Variants in SGSM2 observed in about 807,000 individuals in gnomAD.
SGSM2 encodes the protein RUN and TBC1 domain containing 1.
A neutral mutation model predicts 126.6 loss-of-function variants in SGSM2; 89 were observed. The ratio of observed to expected loss-of-function variants is 0.70; its 90% CI spans 0.59 to 0.84. SGSM2 has a LOEUF of 0.84. Ranked by LOEUF, SGSM2 falls within the 40% of genes least tolerant of loss-of-function variation. The pLI is 0.00. For missense variants in SGSM2, 1,404 were observed against 1,416.6 expected, an observed-to-expected ratio of 0.99 and a Z score of 0.14; for synonymous variants, 614 against 574.3, an observed-to-expected ratio of 1.07 and a Z score of -0.99.
chr17:2,343,653 G>C lies in SGSM2; in HGVS notation c.133+33G>C, dbSNP rs371524984. The C allele has an allele frequency of 1.4e-5, 22 of 1,600,868 alleles. No individual in the cohort carries two copies. The South Asian group carries it at 2.3e-4, about 17-fold the overall frequency. ...AGTGACTGAAGGATGATGGGAGGTC[G>C]GTCTAGAGCCGAGGACACTGGCCTG... On this transcript the variant is annotated intron_variant, in intron 2 of 23. Transcript: ENST00000268989.
rs369240045 is a variant in SGSM2 at position 2,362,148 on chromosome 17, G to A, written c.336G>A (p.Gln112=). 7 of 1,613,706 alleles carry A rather than the reference G, an allele frequency of 4.3e-6. No individual in the cohort carries two copies. Among genetic ancestry groups the A allele is most frequent in the Non-Finnish European group, 4.2e-6 (5 of 1,179,992 alleles). The change falls in exon 4 of 24, where the codon CAG becomes CAA. Residue 112 remains glutamine, a synonymous_variant. Coordinates refer to ENST00000268989, the MANE Select transcript of SGSM2 (RefSeq NM_014853.3). The surrounding 1 kb of genome is among the most constrained non-coding windows in gnomAD (Gnocchi z 4.9). ...TCAGCCAGGAGGCCCTGCGGAGACAGGGCTCAGCCAGCGGGAAGGCCCCGG... is the reference window on the plus strand; with the variant it reads ...TCAGCCAGGAGGCCCTGCGGAGACAAGGCTCAGCCAGCGGGAAGGCCCCGG... ...SGVSQEALRR[Q]GSASGKAPAL... is the part of the protein sequence containing the mutation.
intron 2 of SGSM2, among the ~76,000 whole-genome samples, chr17:2,346,322 C>A (rs2064597079): frequency 6.6e-6 from 1 of 152,128 alleles, no homozygotes; most frequent in Non-Finnish European, 1.5e-5. Context: ...TGGTTCTTGG[C>A]AGAGGAGGGT....
At chr17:2,365,843 T>A (rs1276990232) in intron 11 of SGSM2, among the ~76,000 whole-genome samples, 1 of 151,676 alleles carries the variant, frequency 6.6e-6, no homozygotes, top group Non-Finnish European at 1.5e-5. Context: ...GCCCCTGGGT[T>A]CAAGCGATCC....
At chr17:2,341,368 A>G (rs1005164340) in intron 1 of SGSM2, among the ~76,000 whole-genome samples, 8 of 152,242 alleles carry the variant, frequency 5.3e-5, no homozygotes, top group Admixed American at 3.9e-4. Context: ...GGCGTGAGCC[A>G]CCATGCCCAG....
rs1355341580 is a variant in SGSM2 at position 2,375,721 on chromosome 17, A to C, written c.2330A>C (p.Glu777Ala). Residue 777 changes from glutamate to alanine, a missense_variant, in exon 18 of 24, where the codon GAA becomes GCA. Coordinates refer to ENST00000268989, the MANE Select transcript of SGSM2 (RefSeq NM_014853.3). ...GATGAGGGGCAGAGCGTGGGCTTCG[A>C]AGAGGAGGACGGCGGTGGGGAGGAA... is the stretch of plus-strand genomic sequence containing the variant. Reference protein sequence around the residue: ...SLDEGQSVGFEEEDGGGEEGS... With the variant: ...SLDEGQSVGFAEEDGGGEEGS... 6.2e-7 allele frequency: 1 copy of C among 1,610,834 alleles called. No individual in the cohort carries two copies. Among genetic ancestry groups the C allele is most frequent in the Non-Finnish European group, 8.5e-7 (1 of 1,177,662 alleles).
chr17:2,378,967 C>T lies in SGSM2; in HGVS notation c.2900-69C>T, dbSNP rs2066302692. 5 of 1,529,872 alleles carry T rather than the reference C, an allele frequency of 3.3e-6. No homozygotes were observed. The South Asian group carries it at 6.1e-5, about 19-fold the overall frequency. The allele number at this position is 1,529,872 out of a possible 1,614,324, so 94.8% of individuals were successfully genotyped here. ...GCCCCAGCCTCAATCCCAGCCTCAG[C>T]CTCAATCCCAGCCTCAGCCCCAGAT... is the stretch of plus-strand genomic sequence containing the variant. On this transcript the variant is annotated intron_variant, in intron 22 of 23. Transcript: ENST00000268989.
At position 2,337,584 on chromosome 17, in the gene SGSM2, C is replaced by T. The variant is rs113461397; in HGVS notation, c.-105C>T. ...CGGCGGCGGCGGGCCGGGAGCGCGG[C>T]GGGCGGGGGCTCCGCCTTGCGCGTG... On this transcript the variant is annotated 5_prime_UTR_variant, in exon 1 of 24. Transcript: ENST00000268989. This position sits in a 1 kb window ranked among gnomAD's most constrained non-coding sequence, Gnocchi z 5.1. 0.046 allele frequency: 32,751 copies of T among 707,338 alleles called. 874 individuals carry two copies. The highest frequency in any genetic ancestry group is 0.052 in the Non-Finnish European group (28,878 of 551,650). 43.8% of individuals were successfully genotyped at this position (707,338 alleles called of 1,614,324 possible).
intron 2 of SGSM2, among the ~76,000 whole-genome samples, chr17:2,354,794 A>C (rs890654677): frequency 6.6e-6 from 1 of 152,082 alleles, no homozygotes; most frequent in African/African-American, 2.4e-5. Context: ...CGTCTCCTCT[A>C]CTCTAAATTG....
intron 1 of SGSM2, among the ~76,000 whole-genome samples, chr17:2,341,846 G>A (rs1030666575): frequency 1.3e-5 from 2 of 152,138 alleles, no homozygotes; most frequent in African/African-American, 4.8e-5. Flanking sequence ...TCCTTGCCTA[G>A]AAACATAAAT....
At chr17:2,354,953 CAT>C (rs2065033976) in intron 2 of SGSM2, among the ~76,000 whole-genome samples, 1 of 119,666 alleles carries the variant, frequency 8.4e-6, no homozygotes, top group African/African-American at 4.2e-5. Flanking sequence ...GAAGGGACCC[CAT>C]ATCTTAGAAT....
intron 21 of SGSM2, 95 bp from the exon 22 acceptor site, chr17:2,377,762 C>T (rs1047475783): frequency 1.2e-4 from 90 of 772,818 alleles, no homozygotes; most frequent in African/African-American, 3.6e-4. Flanking sequence ...GGTTGGGGAT[C>T]GCCTGCATCC....
At position 2,380,494 on chromosome 17, in the gene SGSM2, T is replaced by A. The variant is rs2066367345; in HGVS notation, c.*974T>A. 10 of 634,900 alleles carry A rather than the reference T, an allele frequency of 1.6e-5. No homozygotes were observed. In the East Asian group the frequency reaches 2.5e-4, roughly 16 times the overall value. The allele number at this position is 634,900 out of a possible 1,614,324, so 39.3% of individuals were successfully genotyped here. On this transcript the variant is annotated 3_prime_UTR_variant, in exon 24 of 24. Transcript: ENST00000268989. ...GGCAGGGGATGCATGGGTGTCCCCA[T>A]CTGTCCCTGGTGAGAAGCAAGGCTA...
chr17:2,347,644 CTT>C (rs751104634), intron 2 of SGSM2, among the ~76,000 whole-genome samples: 2 of 140,488 alleles, frequency 1.4e-5, no homozygotes, highest in Non-Finnish European at 1.6e-5. Flanking sequence ...TTTGTTTTTT[CTT>C]TTTTTTTTTT....
chr17:2,352,601 G>A (rs1463498903), intron 2 of SGSM2, among the ~76,000 whole-genome samples: 4 of 152,004 alleles, frequency 2.6e-5, no homozygotes, highest in African/African-American at 9.7e-5. Flanking sequence ...GCCACTGAGT[G>A]GTTCCCACTG....
intron 17 of SGSM2, chr17:2,374,214 G>C (rs2066018979): frequency 6.6e-6 from 1 of 152,210 alleles, no homozygotes. Context: ...TGCCTCTTTA[G>C]ATAATGTGTA....
Position 2,337,749 on chromosome 17 carries a change from A to G in SGSM2, c.57+4A>G. On this transcript the variant is annotated splice_donor_region_variant and intron_variant, in intron 1 of 23. Transcript: ENST00000268989. This position sits in a 1 kb window ranked among gnomAD's most constrained non-coding sequence, Gnocchi z 5.1. ...GCTGTGGAACGTGAAGAAGGAGGTA[A>G]AGTCGAGTCAAGAACCCCGGGGGGC... 6.5e-7 allele frequency: 1 copy of G among 1,530,066 alleles called. No homozygotes were observed. Among genetic ancestry groups the G allele is most frequent in the East Asian group, 2.6e-5 (1 of 38,142 alleles). 94.8% of individuals were successfully genotyped at this position (1,530,066 alleles called of 1,614,324 possible). A position where few individuals can be genotyped will look rare whatever the true frequency, so the allele number is the denominator to read the frequency against.
intron 13 of SGSM2, chr17:2,371,973 C>T (rs979469038): frequency 1.7e-6 from 1 of 572,568 alleles, no homozygotes; most frequent in African/African-American, 1.9e-5. Context: ...GACCAAGATC[C>T]CTGGGTGGTT....
chr17:2,372,828 C>T lies in SGSM2; in HGVS notation c.1789-125C>T, dbSNP rs770778351. The T allele has an allele frequency of 7.8e-4, 1,047 of 1,343,558 alleles. No individual in the cohort carries two copies. The highest frequency in any genetic ancestry group is 8.1e-4 in the Non-Finnish European group (806 of 999,740). 83.2% of individuals were successfully genotyped at this position (1,343,558 alleles called of 1,614,324 possible). A position where few individuals can be genotyped will look rare whatever the true frequency, so the allele number is the denominator to read the frequency against. On this transcript the variant is annotated intron_variant, in intron 15 of 23. Coordinates refer to ENST00000268989, the MANE Select transcript of SGSM2 (RefSeq NM_014853.3). This position sits in a 1 kb window ranked among gnomAD's most constrained non-coding sequence, Gnocchi z 6.0. ...GAGGACGTGGCCACCCCAAAGCAGG[C>T]CTTGCCTGGGCTTCAGCAGTCACTA...
chr17:2,375,449 G>A (rs1352044761), intron 17 of SGSM2, 43 bp from the exon 18 acceptor site: 6 of 1,550,494 alleles, frequency 3.9e-6, no homozygotes, highest in African/African-American at 2.7e-5. Flanking sequence ...GCTGCGGGAA[G>A]GTGCTGGAGT....
Sources: allele counts gnomAD v4.1 joint callset (sites outside exome capture counted in the v4.1 genomes callset), GRCh38; gene constraint gnomAD v4.1.1; non-coding constraint Gnocchi (gnomAD v3.1); transcripts MANE v1.5; gene names NCBI Gene and HGNC (gene_info 2026-07-23, HGNC 2026-07-21).